The following KIAA1217 variants were observed in gnomAD, a reference collection of about 807,000 sequenced individuals.
KIAA1217 encodes KIAA1217.
A neutral mutation model predicts 163.9 loss-of-function variants in KIAA1217; 88 were observed. That is an observed-to-expected ratio of 0.54 (90% CI 0.45 to 0.64). The LOEUF is 0.64. Among genes scored for constraint, KIAA1217 ranks in the 30% least tolerant of loss-of-function variants. KIAA1217 has a pLI of 0.00. For synonymous variants in KIAA1217, 903 were observed against 923.1 expected, an observed-to-expected ratio of 0.98 and a Z score of 0.39; for missense variants, 2,372 against 2,475.0, an observed-to-expected ratio of 0.96 and a Z score of 0.88.
intron 1 of KIAA1217, among the ~76,000 whole-genome samples, chr10:23,971,821 A>G (rs538329970): frequency 1.3e-5 from 2 of 152,280 alleles, no homozygotes; most frequent in South Asian, 4.2e-4. Context: ...CTGAAAAGAA[A>G]TATTTACCAC....
At chr10:23,901,742 A>C (rs904187864) in intron 1 of KIAA1217, among the ~76,000 whole-genome samples, 1 of 151,906 alleles carries the variant, frequency 6.6e-6, no homozygotes, top group Non-Finnish European at 1.5e-5. Flanking sequence ...ACCTGCCTCT[A>C]CTAAAAATAC....
chr10:23,879,828 A>C lies in KIAA1217; in HGVS notation c.-320-127397A>C, dbSNP rs371278036. On this transcript the variant is annotated intron_variant, in intron 1 of 18. Transcript: ENST00000376462. ...TGATCCAATAATAGAGGAAAATGAT[A>C]ATGTAGGAGAAGGAAGGAAGAATTG... Among the ~76,000 whole-genome samples, 19 of 152,018 alleles carry C rather than the reference A, an allele frequency of 1.2e-4. No homozygotes were observed. In the South Asian group the frequency reaches 3.7e-3, roughly 30 times the overall value.
intron 1 of KIAA1217, among the ~76,000 whole-genome samples, chr10:23,980,877 G>A (rs944661837): frequency 3.4e-4 from 51 of 151,982 alleles, no homozygotes; most frequent in African/African-American, 1.2e-3. Context: ...TCTCTTTCTC[G>A]TATGGTTAAT....
At position 24,449,425 on chromosome 10, in the gene KIAA1217, C is replaced by T. The variant is rs551184847; in HGVS notation, c.846+10946C>T. The T allele has an allele frequency of 1.0e-5, 10 of 983,560 alleles. No homozygotes were observed. The African/African-American group carries it at 1.7e-4, about 17-fold the overall frequency. 60.9% of individuals were successfully genotyped at this position (983,560 alleles called of 1,614,324 possible). A position where few individuals can be genotyped will look rare whatever the true frequency, so the allele number is the denominator to read the frequency against. ...CCTTGATATGGCTTGCAGTTTCTGC[C>T]AGACAGAACACATGGAAGAAACATT... On this transcript the variant is annotated intron_variant, in intron 5 of 20. Coordinates refer to ENST00000376454, the MANE Select transcript of KIAA1217 (RefSeq NM_019590.5).
At chr10:24,095,711 C>T (rs902627011) in intron 2 of KIAA1217, among the ~76,000 whole-genome samples, 1 of 152,146 alleles carries the variant, frequency 6.6e-6, no homozygotes, top group African/African-American at 2.4e-5. Flanking sequence ...CACAAATTTA[C>T]CTCTCACACT....
intron 5 of KIAA1217, among the ~76,000 whole-genome samples, chr10:24,461,041 G>A (rs984593566): frequency 7.2e-5 from 11 of 152,086 alleles, no homozygotes; most frequent in African/African-American, 2.7e-4. Context: ...CGAATAAATG[G>A]CCATATGGTT....
intron 1 of KIAA1217, among the ~76,000 whole-genome samples, chr10:23,963,575 T>C (rs1178361776): frequency 6.6e-6 from 1 of 152,212 alleles, no homozygotes; most frequent in African/African-American, 2.4e-5. Context: ...GCAATAAACA[T>C]AGAGGTGCAT....
At chr10:23,944,875 A>G (rs1203632458) in intron 1 of KIAA1217, among the ~76,000 whole-genome samples, 1 of 152,142 alleles carries the variant, frequency 6.6e-6, no homozygotes, top group African/African-American at 2.4e-5. Flanking sequence ...CCTGGCCAAC[A>G]TGGTGAAACC....
At chr10:24,339,303 G>A (rs2046771494) in intron 2 of KIAA1217, among the ~76,000 whole-genome samples, 1 of 151,684 alleles carries the variant, frequency 6.6e-6, no homozygotes, top group Admixed American at 6.6e-5. Context: ...TTCCCTTTTG[G>A]GCATTGTCAC....
At chr10:23,989,321 G>T (rs12265812) in intron 1 of KIAA1217, among the ~76,000 whole-genome samples, 26 of 152,252 alleles carry the variant, frequency 1.7e-4, no homozygotes, top group Non-Finnish European at 7.4e-5. Flanking sequence ...TTTATGTGAC[G>T]CAGGATACTT....
chr10:24,460,238 A>C (rs1355670362), intron 5 of KIAA1217, among the ~76,000 whole-genome samples: 1 of 152,202 alleles, frequency 6.6e-6, no homozygotes, highest in Admixed American at 6.5e-5. Flanking sequence ...GAAAGTACAA[A>C]ATTTTCATTC....
chr10:24,266,454 A>G (rs894928084), intron 2 of KIAA1217, among the ~76,000 whole-genome samples: 2 of 152,174 alleles, frequency 1.3e-5, no homozygotes, highest in African/African-American at 4.8e-5. Flanking sequence ...GCATTCAGCC[A>G]TGGTGCTGAG....
chr10:24,069,226 G>T (rs749051291), intron 2 of KIAA1217, among the ~76,000 whole-genome samples: 59 of 152,316 alleles, frequency 3.9e-4, no homozygotes, highest in Non-Finnish European at 6.6e-4. Context: ...TGAGACAAAA[G>T]CCAGTCCTTT....
chr10:24,325,047 C>A (rs2044688414), intron 2 of KIAA1217, among the ~76,000 whole-genome samples: 1 of 152,148 alleles, frequency 6.6e-6, no homozygotes, highest in Admixed American at 6.5e-5. Flanking sequence ...TTGCCACCTT[C>A]TCTACTTGAA....
chr10:24,378,032 G>A, intron 2 of KIAA1217, among the ~76,000 whole-genome samples: 1 of 152,124 alleles, frequency 6.6e-6, no homozygotes, highest in Non-Finnish European at 1.5e-5. Flanking sequence ...TGAAGATCGT[G>A]GGGGTCTCAC....
At chr10:24,096,954 T>C (rs1014136880) in intron 2 of KIAA1217, among the ~76,000 whole-genome samples, 3 of 152,126 alleles carry the variant, frequency 2.0e-5, no homozygotes, top group African/African-American at 7.2e-5. Flanking sequence ...TAAATATCTA[T>C]TGGACAGAAA....
chr10:24,066,485 G>A (rs2060952061), intron 2 of KIAA1217, among the ~76,000 whole-genome samples: 1 of 152,116 alleles, frequency 6.6e-6, no homozygotes, highest in Non-Finnish European at 1.5e-5. Context: ...CTCCCTTCTG[G>A]CTTGTAGAGT....
chr10:23,919,856 C>G (rs945855324), intron 1 of KIAA1217, among the ~76,000 whole-genome samples: 3 of 152,182 alleles, frequency 2.0e-5, no homozygotes, highest in African/African-American at 7.2e-5. Context: ...CCCCATGACA[C>G]CTTTCTCCTT....
intron 3 of KIAA1217, among the ~76,000 whole-genome samples, chr10:24,382,251 C>G (rs1339961208): frequency 2.0e-5 from 3 of 151,898 alleles, no homozygotes; most frequent in African/African-American, 7.3e-5. Flanking sequence ...CATGCAAAAG[C>G]CTTCAGAGTC....
Sources: gnomAD v4.1 joint callset for allele counts (sites outside exome capture counted in the v4.1 genomes callset) on GRCh38, gnomAD v4.1.1 for gene constraint, MANE v1.5 for transcripts, NCBI Gene and HGNC (gene_info 2026-07-23, HGNC 2026-07-21) for gene names.